NOS1AP: variants seen among roughly 807,000 people sequenced by gnomAD.
The protein encoded by NOS1AP is carboxyl-terminal PDZ ligand of neuronal nitric oxide synthase protein.
Under a neutral mutation model 56.2 loss-of-function variants are expected in NOS1AP, and 21 were observed. The ratio of observed to expected loss-of-function variants is 0.37; its 90% CI spans 0.26 to 0.54. The LOEUF (loss-of-function observed/expected upper bound fraction) is 0.54. Among genes scored for constraint, NOS1AP ranks in the 20% least tolerant of loss-of-function variants. NOS1AP has a pLI of 0.84. For missense variants in NOS1AP, 522 were observed against 657.8 expected, an observed-to-expected ratio of 0.79 and a Z score of 2.26; for synonymous variants, 270 against 274.6, an observed-to-expected ratio of 0.98 and a Z score of 0.17.
intron 5 of NOS1AP, among the ~76,000 whole-genome samples, chr1:162,343,311 T>G (rs1428703344): frequency 2.0e-5 from 3 of 152,222 alleles, no homozygotes; most frequent in Non-Finnish European, 4.4e-5. Flanking sequence ...ACCTTAGATT[T>G]AGTTGGCTGC....
chr1:162,070,008 C>T lies in NOS1AP; in HGVS notation c.-170C>T, dbSNP rs571503407. 279 of 411,078 alleles carry T rather than the reference C, an allele frequency of 6.8e-4. 1 individual carries two copies. Among genetic ancestry groups the T allele is most frequent in the African/African-American group, 5.4e-3 (250 of 46,488 alleles). 25.5% of individuals were successfully genotyped at this position (411,078 alleles called of 1,614,324 possible). ...CAGCTCAGCCCGCTGCCGCTCGGCC[C>T]TCGGCACCGCTCCGGGTCCGGCCGC... On this transcript the variant is annotated 5_prime_UTR_variant, in exon 1 of 10. Transcript: ENST00000361897.
In NOS1AP at chr1:162,367,252, C is replaced by G; in HGVS notation, c.1306C>G (p.Pro436Ala). ...GCTGGAGTGCTTTCGCTTTCTTCCG[C>G]CCGAGGACACCCCGCCCCCAGCGCA... ...VKLECFRFLP[P>A]EDTPPPAQGE... Residue 436 changes from proline (P) to alanine (A), a missense_variant, in exon 10 of 10, where the codon CCC (proline) becomes GCC (alanine). By Grantham distance (27) the Pro-to-Ala change is conservative. Transcript: ENST00000361897. This position sits in a 1 kb window ranked among gnomAD's most constrained non-coding sequence, Gnocchi z 6.5. 1 of 1,613,730 alleles carries G rather than the reference C, an allele frequency of 6.2e-7. No individual in the cohort carries two copies. Among genetic ancestry groups the G allele is most frequent in the South Asian group, 1.1e-5 (1 of 91,082 alleles).
At position 162,154,459 on chromosome 1, in the gene NOS1AP, G is replaced by A. The variant is rs1364494374; in HGVS notation, c.160G>A (p.Ala54Thr). ...CAACAGCAGGGTGGAGATCGTGGCT[G>A]CCATGCGCCGGATACGGGTGAGTGG... ...RPNSRVEIVA[A>T]MRRIRYEFKA... Residue 54 changes from alanine (A) to threonine (T), a missense_variant, in exon 2 of 10, where the codon GCC (alanine) becomes ACC (threonine). Ala to Thr is a moderately conservative substitution (Grantham distance 58, BLOSUM62 0). Coordinates refer to ENST00000361897, the MANE Select transcript of NOS1AP (RefSeq NM_014697.3). The A allele has an allele frequency of 6.2e-7, 1 of 1,614,102 alleles. No homozygotes were observed.
intron 4 of NOS1AP, among the ~76,000 whole-genome samples, chr1:162,318,265 AC>A (rs1328046396): frequency 6.6e-6 from 1 of 152,162 alleles, no homozygotes; most frequent in Non-Finnish European, 1.5e-5. Flanking sequence ...TTGCCGTTTC[AC>A]TGCCAGACTC....
chr1:162,240,645 G>A (rs1557845092), intron 2 of NOS1AP, among the ~76,000 whole-genome samples: 1 of 152,196 alleles, frequency 6.6e-6, no homozygotes, highest in Non-Finnish European at 1.5e-5. Context: ...TAAAACATCA[G>A]CGTGTTATTT....
intron 6 of NOS1AP, among the ~76,000 whole-genome samples, chr1:162,345,425 C>T (rs183450265): frequency 0.012 from 1,849 of 150,706 alleles, 23 homozygotes; most frequent in Non-Finnish European, 0.02. Context: ...TTTGTTCTTG[C>T]GATAGTTTAC....
At chr1:162,353,040 C>T (rs981127816) in intron 6 of NOS1AP, among the ~76,000 whole-genome samples, 2 of 150,552 alleles carry the variant, frequency 1.3e-5, no homozygotes, top group South Asian at 2.1e-4. Context: ...TCCCCACCCC[C>T]GCCCCCACCA....
chr1:162,367,248 T>C lies in NOS1AP; in HGVS notation c.1302T>C (p.Leu434=), dbSNP rs1658121239. Residue 434 remains leucine (L), a synonymous_variant, in exon 10 of 10, where the codon CTT becomes CTC. Transcript: ENST00000361897. This position sits in a 1 kb window ranked among gnomAD's most constrained non-coding sequence, Gnocchi z 6.5. ...TGAAGCTGGAGTGCTTTCGCTTTCT[T>C]CCGCCCGAGGACACCCCGCCCCCAG... ...CLVKLECFRF[L]PPEDTPPPAQ... 1.2e-6 allele frequency: 2 copies of C among 1,613,780 alleles called. No individual in the cohort carries two copies. Among genetic ancestry groups the C allele is most frequent in the Non-Finnish European group, 1.7e-6 (2 of 1,179,952 alleles).
chr1:162,284,276 A>G (rs1655022943), intron 2 of NOS1AP, among the ~76,000 whole-genome samples: 1 of 152,204 alleles, frequency 6.6e-6, no homozygotes, highest in South Asian at 2.1e-4. Flanking sequence ...CAGATACTTG[A>G]TTTCCTTTTA....
chr1:162,138,396 G>A (rs1649093889), intron 1 of NOS1AP, among the ~76,000 whole-genome samples: 1 of 152,116 alleles, frequency 6.6e-6, no homozygotes, highest in South Asian at 2.1e-4. Flanking sequence ...GGAGGAGTTT[G>A]CAGTTTTTAG....
chr1:162,306,297 G>A (rs960816583), intron 4 of NOS1AP, among the ~76,000 whole-genome samples: 2 of 152,198 alleles, frequency 1.3e-5, no homozygotes, highest in South Asian at 2.1e-4. Flanking sequence ...TGAGCTGACT[G>A]TTGTTCAGCA....
At chr1:162,294,884 T>A (rs1259157921) in intron 3 of NOS1AP, among the ~76,000 whole-genome samples, 1 of 152,176 alleles carries the variant, frequency 6.6e-6, no homozygotes. Context: ...CCACTCACAA[T>A]TTTTTCTCCA....
intron 5 of NOS1AP, among the ~76,000 whole-genome samples, chr1:162,340,375 T>C (rs1657071882): frequency 6.6e-6 from 1 of 152,206 alleles, no homozygotes; most frequent in Non-Finnish European, 1.5e-5. Flanking sequence ...TGTGCTGCTA[T>C]GGTGGAGGCT....
intron 2 of NOS1AP, among the ~76,000 whole-genome samples, chr1:162,179,502 G>A (rs1571104460): frequency 1.3e-5 from 2 of 152,222 alleles, no homozygotes; most frequent in African/African-American, 4.8e-5. Context: ...GTTCTTGCCT[G>A]CAGATGCATC....
At chr1:162,108,250 C>G (rs984047831) in intron 1 of NOS1AP, among the ~76,000 whole-genome samples, 2 of 152,160 alleles carry the variant, frequency 1.3e-5, no homozygotes, top group Admixed American at 6.5e-5. Context: ...AGCAGGGAAA[C>G]TCTGGAGGAC....
intron 2 of NOS1AP, among the ~76,000 whole-genome samples, chr1:162,254,124 T>C (rs1653951159): frequency 6.6e-6 from 1 of 152,238 alleles, no homozygotes; most frequent in South Asian, 2.1e-4. Flanking sequence ...ATTTGTATCT[T>C]TGTCTCTAAA....
intron 2 of NOS1AP, among the ~76,000 whole-genome samples, chr1:162,197,753 G>C (rs1651854414): frequency 6.6e-6 from 1 of 152,194 alleles, no homozygotes; most frequent in Admixed American, 6.5e-5. Flanking sequence ...ACCACCAGGG[G>C]CCAACTGTCC....
chr1:162,201,132 C>G (rs1299606476), intron 2 of NOS1AP, among the ~76,000 whole-genome samples: 3 of 152,150 alleles, frequency 2.0e-5, no homozygotes, highest in African/African-American at 7.2e-5. Context: ...TCATTTAGCT[C>G]TCACTTATAA....
At chr1:162,211,752 T>C (rs967294884) in intron 2 of NOS1AP, among the ~76,000 whole-genome samples, 4 of 152,164 alleles carry the variant, frequency 2.6e-5, no homozygotes, top group African/African-American at 9.7e-5. Context: ...GCAGTCTGAT[T>C]GTTTACACTT....
Sources: allele counts gnomAD v4.1 joint callset (sites outside exome capture counted in the v4.1 genomes callset), GRCh38; gene constraint gnomAD v4.1.1; non-coding constraint Gnocchi (gnomAD v3.1); transcripts MANE v1.5; gene names NCBI Gene and HGNC (gene_info 2026-07-23, HGNC 2026-07-21).